Variants in LUZP2 observed in about 807,000 individuals in gnomAD.
The protein encoded by LUZP2 is leucine zipper protein 2.
In LUZP2, 52 loss-of-function variants were observed where a neutral mutation model predicts 51.6. The ratio of observed to expected loss-of-function variants is 1.01; its 90% confidence interval spans 0.81 to 1.27. LUZP2 has a LOEUF of 1.27. Ranked by LOEUF, LUZP2 falls within the 50% of genes most tolerant of loss-of-function variation. LUZP2 has a pLI of 0.00. For synonymous variants in LUZP2, 154 were observed against 137.3 expected (o/e 1.12, Z -0.85); for missense variants, 436 against 395.4 (o/e 1.10, Z -0.87).
chr11:24,529,593 A>C (rs1304099147), intron 1 of LUZP2, among the ~76,000 whole-genome samples: 1 of 151,030 alleles, frequency 6.6e-6, no homozygotes, highest in East Asian at 1.9e-4. Context: ...GGAATCAATA[A>C]GAATAAGACA....
intron 1 of LUZP2, among the ~76,000 whole-genome samples, chr11:24,507,429 G>A (rs1296802482): frequency 6.6e-6 from 1 of 151,970 alleles, no homozygotes; most frequent in Non-Finnish European, 1.5e-5. Context: ...ATCTCATTGT[G>A]CTCCAGGCTG....
At chr11:24,998,432 G>T (rs1013755243) in intron 9 of LUZP2, among the ~76,000 whole-genome samples, 11 of 152,082 alleles carry the variant, frequency 7.2e-5, no homozygotes, top group African/African-American at 2.4e-4. Flanking sequence ...GTCTGTTATT[G>T]GTGTATAAGA....
At chr11:24,525,702 TTCTC>T (rs368949921) in intron 1 of LUZP2, among the ~76,000 whole-genome samples, 1 of 151,348 alleles carries the variant, frequency 6.6e-6, no homozygotes, top group African/African-American at 2.4e-5. Context: ...CTCTAATATG[TTCTC>T]TCTCTATATA....
chr11:24,569,812 A>C (rs1260749900), intron 1 of LUZP2, among the ~76,000 whole-genome samples: 1 of 152,022 alleles, frequency 6.6e-6, no homozygotes, highest in Admixed American at 6.6e-5. Flanking sequence ...AAAAAGAAAA[A>C]TGGAATAGTA....
intron 1 of LUZP2, among the ~76,000 whole-genome samples, chr11:24,631,073 T>G (rs1197985184): frequency 6.6e-6 from 1 of 152,052 alleles, no homozygotes; most frequent in Non-Finnish European, 1.5e-5. Context: ...AATTCATTTA[T>G]TAAATCTAAA....
At chr11:24,623,644 G>A (rs990597762) in intron 1 of LUZP2, among the ~76,000 whole-genome samples, 5 of 152,034 alleles carry the variant, frequency 3.3e-5, no homozygotes, top group Non-Finnish European at 7.4e-5. Context: ...TCGGGAGTTG[G>A]AGACCAGCCT....
intron 7 of LUZP2, among the ~76,000 whole-genome samples, chr11:24,933,575 C>A (rs957106123): frequency 6.6e-6 from 1 of 152,238 alleles, no homozygotes; most frequent in South Asian, 2.1e-4. Context: ...TTAGTAAGGG[C>A]TTCAGAGTCA....
intron 1 of LUZP2, among the ~76,000 whole-genome samples, chr11:24,640,876 GA>G (rs1269827002): frequency 6.6e-6 from 1 of 151,422 alleles, no homozygotes; most frequent in Non-Finnish European, 1.5e-5. Flanking sequence ...TTTTTTATAT[GA>G]AAGTGTACTG....
chr11:25,036,978 C>T (rs995520949), intron 9 of LUZP2, among the ~76,000 whole-genome samples: 2 of 151,276 alleles, frequency 1.3e-5, no homozygotes, highest in Non-Finnish European at 3.0e-5. Flanking sequence ...TCTAATTAGA[C>T]AAGCGTCAAG....
chr11:25,052,448 G>T (rs544692129), intron 10 of LUZP2, among the ~76,000 whole-genome samples: 3 of 152,222 alleles, frequency 2.0e-5, no homozygotes, highest in South Asian at 4.1e-4. Context: ...TCATCCAGAT[G>T]ATTCAAATAT....
At chr11:25,054,973 G>A (rs796113723) in intron 10 of LUZP2, among the ~76,000 whole-genome samples, 3 of 144,260 alleles carry the variant, frequency 2.1e-5, no homozygotes, top group African/African-American at 5.1e-5. Context: ...CCATAAACAT[G>A]GAATGTCTCT....
At chr11:24,536,692 T>G (rs11027990) in intron 1 of LUZP2, among the ~76,000 whole-genome samples, 28,347 of 151,784 alleles carry the variant, frequency 0.19, 3,144 homozygotes, top group Middle Eastern at 0.36. Context: ...CAGCAATAAG[T>G]TTGTTTCACT....
intron 9 of LUZP2, among the ~76,000 whole-genome samples, chr11:25,005,790 T>C (rs987832329): frequency 1.3e-5 from 2 of 152,146 alleles, no homozygotes; most frequent in Non-Finnish European, 2.9e-5. Context: ...CGAAAACCTG[T>C]ACCCTGTCCT....
chr11:24,703,536 C>T (rs1039527644), intron 1 of LUZP2, among the ~76,000 whole-genome samples: 1 of 151,980 alleles, frequency 6.6e-6, no homozygotes, highest in South Asian at 2.1e-4. Context: ...AAGAATGATT[C>T]ACATGGCCAA....
At chr11:24,608,827 A>G (rs1854022667) in intron 1 of LUZP2, among the ~76,000 whole-genome samples, 1 of 152,220 alleles carries the variant, frequency 6.6e-6, no homozygotes, top group Admixed American at 6.5e-5. Context: ...ACATTATAAA[A>G]TAGCAAAAAT....
chr11:24,980,759 G>A (rs2133910793), intron 8 of LUZP2, among the ~76,000 whole-genome samples: 1 of 151,808 alleles, frequency 6.6e-6, no homozygotes. Flanking sequence ...TAGTTTGTGA[G>A]CTGAGACATA....
intron 1 of LUZP2, among the ~76,000 whole-genome samples, chr11:24,602,002 A>ATGTATATATGTG (rs1274594718): frequency 2.6e-5 from 2 of 78,034 alleles, no homozygotes; most frequent in African/African-American, 9.5e-5. Flanking sequence ...ATATATGTAT[A>ATGTATATATGTG]TATATGTATA....
At chr11:24,779,969 A>T (rs1849040843) in intron 5 of LUZP2, among the ~76,000 whole-genome samples, 1 of 152,166 alleles carries the variant, frequency 6.6e-6, no homozygotes, top group South Asian at 2.1e-4. Context: ...GGAAGAGGCA[A>T]GGGACATATT....
intron 5 of LUZP2, among the ~76,000 whole-genome samples, chr11:24,804,702 G>T (rs1434257688): frequency 3.3e-5 from 5 of 152,154 alleles, no homozygotes; most frequent in African/African-American, 9.7e-5. Context: ...AGAAAGGTCA[G>T]AAAATTCTTT....
Sources: allele counts gnomAD v4.1 joint callset (sites outside exome capture counted in the v4.1 genomes callset), GRCh38; gene constraint gnomAD v4.1.1; transcripts MANE v1.5; gene names NCBI Gene and HGNC (gene_info 2026-07-23, HGNC 2026-07-21).